The following GABRB3 variants were observed in gnomAD, a reference collection of about 807,000 sequenced individuals.
The protein encoded by GABRB3 is gamma-aminobutyric acid type A receptor subunit beta3.
GABRB3 carries 14 observed loss-of-function variants against 52.1 expected under a neutral mutation model. The observed-to-expected ratio is 0.27, with a 90% CI of 0.18 to 0.42. The LOEUF is 0.42. Among genes scored for constraint, GABRB3 ranks in the 10% least tolerant of loss-of-function variants. The pLI is 1.00. For synonymous variants in GABRB3, 260 were observed against 232.3 expected (o/e 1.12, Z -1.08); for missense variants, 307 against 609.1 (o/e 0.50, Z 5.22).
At chr15:26,567,505 A>C (rs1890223137) in intron 7 of GABRB3, 76 bp downstream of exon 7, 1 of 1,449,536 alleles carries the variant, frequency 6.9e-7, no homozygotes, top group Non-Finnish European at 9.6e-7. Flanking sequence ...TAGTTGAACT[A>C]CAGCCTTTGA....
intron 4 of GABRB3, among the ~76,000 whole-genome samples, chr15:26,587,336 G>A (rs780771354): frequency 2.3e-4 from 35 of 152,308 alleles, no homozygotes; most frequent in Middle Eastern, 3.4e-3. Context: ...TCAGAGTGAA[G>A]AGTGAGGCAC....
At chr15:26,674,431 A>AGAAAAGAAAAGAAAGGAAAG (rs1566800635) in intron 3 of GABRB3, among the ~76,000 whole-genome samples, 5 of 94,064 alleles carry the variant, frequency 5.3e-5, no homozygotes, top group Non-Finnish European at 8.2e-5. Flanking sequence ...AGAAAAGAAA[A>AGAAAAGAAAAGAAAGGAAAG]GAAAGGAAAG....
chr15:26,692,899 C>A lies in GABRB3; in HGVS notation c.241-71365G>T, dbSNP rs562007305. Among the ~76,000 whole-genome samples the A allele has an allele frequency of 8.5e-5, 13 of 152,242 alleles. No homozygotes were observed. In the South Asian group the frequency reaches 2.7e-3, roughly 32 times the overall value. ...TTCCAATTTTGAGAAAAGTTCATTTCTTTTCTATTGGACAAAAATTTTCCC... is the reference window on the plus strand; with the variant it reads ...TTCCAATTTTGAGAAAAGTTCATTTATTTTCTATTGGACAAAAATTTTCCC... On this transcript the variant is annotated intron_variant, in intron 3 of 8. Coordinates refer to ENST00000311550, the MANE Select transcript of GABRB3 (RefSeq NM_000814.6).
intron 4 of GABRB3, among the ~76,000 whole-genome samples, chr15:26,589,144 C>G (rs531051565): frequency 6.6e-6 from 1 of 152,316 alleles, no homozygotes; most frequent in East Asian, 1.9e-4. Flanking sequence ...TTGTGAAATA[C>G]TTTCTGGCAT....
intron 8 of GABRB3, among the ~76,000 whole-genome samples, chr15:26,556,157 A>G (rs1889743324): frequency 1.3e-5 from 2 of 152,206 alleles, no homozygotes; most frequent in Admixed American, 1.3e-4. Context: ...CATATCTACT[A>G]TAATTAGAAC....
chr15:26,762,858 A>T (rs1376493919), intron 3 of GABRB3, among the ~76,000 whole-genome samples: 1 of 152,216 alleles, frequency 6.6e-6, no homozygotes, highest in African/African-American at 2.4e-5. Context: ...TCCATGCCAC[A>T]AGGAATGACA....
intron 4 of GABRB3, among the ~76,000 whole-genome samples, chr15:26,583,853 C>A (rs1320706145): frequency 6.6e-6 from 1 of 150,566 alleles, no homozygotes; most frequent in African/African-American, 2.4e-5. Flanking sequence ...CAGATCACTG[C>A]AAGCTCCAAC....
intron 3 of GABRB3, among the ~76,000 whole-genome samples, chr15:26,677,233 C>T (rs1010112687): frequency 6.6e-6 from 1 of 152,184 alleles, no homozygotes; most frequent in Non-Finnish European, 1.5e-5. Flanking sequence ...CAAATACGTT[C>T]CCTATTAGAT....
intron 3 of GABRB3, among the ~76,000 whole-genome samples, chr15:26,682,382 C>G (rs1595527778): frequency 6.6e-6 from 1 of 152,172 alleles, no homozygotes. Context: ...TTTGCTGGCA[C>G]AGAGCACATA....
intron 4 of GABRB3, among the ~76,000 whole-genome samples, chr15:26,585,401 A>G (rs933912061): frequency 1.3e-5 from 2 of 152,138 alleles, no homozygotes; most frequent in Non-Finnish European, 2.9e-5. Flanking sequence ...AGCAAGCCCG[A>G]CTCTTACCAA....
chr15:26,575,509 C>G (rs1254634093), intron 6 of GABRB3, among the ~76,000 whole-genome samples: 1 of 152,096 alleles, frequency 6.6e-6, no homozygotes, highest in Non-Finnish European at 1.5e-5. Flanking sequence ...TTTCATCTAT[C>G]TTTTCTATAC....
At chr15:26,586,543 C>CCACCAAGTA (rs913624238) in intron 4 of GABRB3, among the ~76,000 whole-genome samples, 9 of 151,828 alleles carry the variant, frequency 5.9e-5, no homozygotes, top group Admixed American at 5.9e-4. Flanking sequence ...TGCCCTTTTC[C>CCACCAAGTA]CACCAAGTAC....
chr15:26,643,207 C>T (rs534442327), intron 3 of GABRB3, among the ~76,000 whole-genome samples: 1 of 152,286 alleles, frequency 6.6e-6, no homozygotes, highest in Non-Finnish European at 1.5e-5. Context: ...GACAGTTCAC[C>T]GAGGAGCTGT....
At chr15:26,733,157 TA>T (rs1889978981) in intron 3 of GABRB3, among the ~76,000 whole-genome samples, 3 of 152,150 alleles carry the variant, frequency 2.0e-5, no homozygotes, top group African/African-American at 7.2e-5. Context: ...CCACAGCAAT[TA>T]GACAAGAAAA....
chr15:26,556,928 G>A (rs1021637308), intron 8 of GABRB3, among the ~76,000 whole-genome samples: 5 of 152,132 alleles, frequency 3.3e-5, no homozygotes, highest in African/African-American at 7.2e-5. Context: ...CAGTCAGGGC[G>A]AAGCTGCTGG....
At chr15:26,572,146 A>G (rs1396386521) in intron 6 of GABRB3, among the ~76,000 whole-genome samples, 3 of 152,218 alleles carry the variant, frequency 2.0e-5, no homozygotes, top group Non-Finnish European at 4.4e-5. Context: ...TGAGGTGGAA[A>G]CAGTAAGTGG....
chr15:26,667,288 G>A (rs1216570499), intron 3 of GABRB3, among the ~76,000 whole-genome samples: 1 of 152,178 alleles, frequency 6.6e-6, no homozygotes, highest in Non-Finnish European at 1.5e-5. Flanking sequence ...CAGGACTTGT[G>A]GGGACCATAG....
At chr15:26,576,859 C>T (rs541010172) in intron 6 of GABRB3, among the ~76,000 whole-genome samples, 4 of 152,070 alleles carry the variant, frequency 2.6e-5, no homozygotes, top group Admixed American at 6.5e-5. Context: ...ATAAACCAGA[C>T]GGACTTATGC....
At chr15:26,698,348 C>A (rs1044855930) in intron 3 of GABRB3, among the ~76,000 whole-genome samples, 17 of 152,170 alleles carry the variant, frequency 1.1e-4, no homozygotes, top group African/African-American at 4.1e-4. Flanking sequence ...CTCTTTATTA[C>A]ATATTCTTCC....
Sources: allele counts gnomAD v4.1 joint callset (sites outside exome capture counted in the v4.1 genomes callset), GRCh38; gene constraint gnomAD v4.1.1; transcripts MANE v1.5; gene names NCBI Gene and HGNC (gene_info 2026-07-23, HGNC 2026-07-21).